The following MREG variants were observed in gnomAD, a reference collection of about 807,000 sequenced individuals.
The protein encoded by MREG is melanoregulin.
Under a neutral mutation model 28.5 loss-of-function variants are expected in MREG, and 31 were observed. The observed-to-expected ratio is 1.09, with a 90% CI of 0.82 to 1.47. The LOEUF is 1.47. MREG is among the 40% of genes most tolerant of loss of function. The pLI is 0.00. For missense variants in MREG, 256 were observed against 257.4 expected (o/e 0.99, Z 0.04); for synonymous variants, 106 against 95.2 (o/e 1.11, Z -0.66).
intron 1 of MREG, among the ~76,000 whole-genome samples, chr2:216,028,311 C>G (rs767821608): frequency 6.6e-6 from 1 of 151,838 alleles, no homozygotes; most frequent in Non-Finnish European, 1.5e-5. Flanking sequence ...GTCAGGAGAT[C>G]GAGATCACGA....
intron 1 of MREG, among the ~76,000 whole-genome samples, chr2:216,020,605 C>T (rs1203742770): frequency 1.3e-5 from 2 of 152,170 alleles, no homozygotes; most frequent in East Asian, 1.9e-4. Context: ...CAGGAAAGGG[C>T]TAAGAGTGGG....
intron 2 of MREG, among the ~76,000 whole-genome samples, chr2:215,954,360 C>G (rs1163575302): frequency 6.6e-6 from 1 of 151,700 alleles, no homozygotes; most frequent in Non-Finnish European, 1.5e-5. Flanking sequence ...TGTCTTTTGT[C>G]TTTCTTGGAT....
intron 2 of MREG, among the ~76,000 whole-genome samples, chr2:215,974,463 A>T (rs1378362289): frequency 6.6e-6 from 1 of 152,076 alleles, no homozygotes; most frequent in East Asian, 1.9e-4. Flanking sequence ...ACCTGAGCCC[A>T]AGCATGTCAG....
intron 1 of MREG, among the ~76,000 whole-genome samples, chr2:216,029,666 C>T (rs1437757232): frequency 1.3e-5 from 2 of 152,190 alleles, no homozygotes; most frequent in Non-Finnish European, 2.9e-5. Flanking sequence ...CACAAACTCG[C>T]CAGAAGCTGA....
At chr2:215,995,235 A>G (rs1474118793) in intron 2 of MREG, among the ~76,000 whole-genome samples, 1 of 152,090 alleles carries the variant, frequency 6.6e-6, no homozygotes. Context: ...GGGATGCTAC[A>G]CAGCAGCCAC....
intron 1 of MREG, among the ~76,000 whole-genome samples, chr2:216,006,216 C>T (rs1219593216): frequency 1.3e-5 from 2 of 152,152 alleles, no homozygotes; most frequent in Non-Finnish European, 2.9e-5. Flanking sequence ...TAATGCAAGT[C>T]ACAAAAAGAG....
At chr2:215,978,378 G>A (rs1460938670) in intron 2 of MREG, among the ~76,000 whole-genome samples, 2 of 152,152 alleles carry the variant, frequency 1.3e-5, no homozygotes, top group Non-Finnish European at 2.9e-5. Flanking sequence ...CTCTGAAATT[G>A]AGGCAATCAT....
chr2:215,944,847 C>T lies in MREG; in HGVS notation c.*16G>A. 1 of 1,567,634 alleles carries T rather than the reference C, an allele frequency of 6.4e-7. No individual in the cohort carries two copies. Among genetic ancestry groups the T allele is most frequent in the Non-Finnish European group, 8.7e-7 (1 of 1,144,218 alleles). On this transcript the variant is annotated 3_prime_UTR_variant, in exon 5 of 5. Coordinates refer to ENST00000263268, the MANE Select transcript of MREG (RefSeq NM_018000.3). Reference sequence around the variant, plus strand: ...TCCTCATGGAAGAATTCCCATTCTGCCCCTGAGCCTCTCCTTTAGGGACTT... The same window carrying T: ...TCCTCATGGAAGAATTCCCATTCTGTCCCTGAGCCTCTCCTTTAGGGACTT...
At chr2:215,998,059 C>G (rs1034201963) in intron 1 of MREG, among the ~76,000 whole-genome samples, 11 of 152,124 alleles carry the variant, frequency 7.2e-5, no homozygotes, top group Non-Finnish European at 1.6e-4. Flanking sequence ...GATCCCAACA[C>G]TTTGGGAGGC....
intron 2 of MREG, among the ~76,000 whole-genome samples, chr2:215,955,834 C>T (rs1559175765): frequency 1.3e-5 from 2 of 152,248 alleles, no homozygotes; most frequent in South Asian, 4.2e-4. Context: ...AATCCTCTCA[C>T]GTTTGTCTTT....
At chr2:215,995,797 C>T (rs1693857205) in intron 2 of MREG, among the ~76,000 whole-genome samples, 1 of 151,870 alleles carries the variant, frequency 6.6e-6, no homozygotes, top group African/African-American at 2.4e-5. Context: ...TGTGAGGGTT[C>T]AAGGCTTATC....
intron 2 of MREG, among the ~76,000 whole-genome samples, chr2:215,954,280 G>C (rs1392713770): frequency 6.6e-6 from 1 of 152,142 alleles, no homozygotes; most frequent in African/African-American, 2.4e-5. Flanking sequence ...CCAGTTCAAA[G>C]TTCACTTTTG....
intron 2 of MREG, among the ~76,000 whole-genome samples, chr2:215,961,122 T>G (rs548191005): frequency 6.6e-6 from 1 of 152,328 alleles, no homozygotes; most frequent in East Asian, 1.9e-4. Context: ...GGAGTAGCGG[T>G]TGGCAGGGGG....
intron 2 of MREG, among the ~76,000 whole-genome samples, chr2:215,994,755 C>G (rs1336432575): frequency 6.6e-6 from 1 of 152,228 alleles, no homozygotes; most frequent in East Asian, 1.9e-4. Flanking sequence ...GTCCATGTTC[C>G]TCTGCTGTCT....
chr2:215,985,370 G>A (rs774240403), intron 2 of MREG, among the ~76,000 whole-genome samples: 26 of 152,152 alleles, frequency 1.7e-4, no homozygotes, highest in Non-Finnish European at 2.6e-4. Context: ...CAAACATAAT[G>A]TACTTTATGG....
At chr2:215,955,221 T>C (rs548251614) in intron 2 of MREG, among the ~76,000 whole-genome samples, 3 of 152,336 alleles carry the variant, frequency 2.0e-5, no homozygotes, top group African/African-American at 7.2e-5. Flanking sequence ...GCTCTTTGAC[T>C]TTTTTACCAT....
At chr2:215,976,562 C>T (rs1247550567) in intron 2 of MREG, among the ~76,000 whole-genome samples, 1 of 152,108 alleles carries the variant, frequency 6.6e-6, no homozygotes, top group East Asian at 1.9e-4. Flanking sequence ...GTTATCATAC[C>T]TTGAGGACAA....
intron 2 of MREG, among the ~76,000 whole-genome samples, chr2:215,954,196 G>A (rs1692558141): frequency 6.6e-6 from 1 of 152,198 alleles, no homozygotes; most frequent in Non-Finnish European, 1.5e-5. Flanking sequence ...AGCAAGAAGT[G>A]TCTAACTATG....
rs558049939 is a variant in MREG at position 215,994,211 on chromosome 2, T to A, written c.255+2095A>T. Among the ~76,000 whole-genome samples, 60 of 151,982 alleles carry A rather than the reference T, an allele frequency of 3.9e-4. 1 individual carries two copies. In the South Asian group the frequency reaches 7.9e-3, roughly 20 times the overall value. On this transcript the variant is annotated intron_variant, in intron 2 of 4. Transcript: ENST00000263268. The stretch of plus-strand genomic sequence containing the variant: ...CATAAAGAAAATGTGGCACATATAC[T>A]CCATGGAATACTATGCAGCCATAAA...
Sources: gnomAD v4.1 joint callset for allele counts (sites outside exome capture counted in the v4.1 genomes callset) on GRCh38, gnomAD v4.1.1 for gene constraint, MANE v1.5 for transcripts, NCBI Gene and HGNC (gene_info 2026-07-23, HGNC 2026-07-21) for gene names.